The following DIP2C variants were observed in gnomAD, a reference collection of about 807,000 sequenced individuals.
The protein encoded by DIP2C is disco-interacting protein 2 homolog C.
In DIP2C, 33 loss-of-function variants were observed where a neutral mutation model predicts 192.4. That is an observed-to-expected ratio of 0.17 (90% CI 0.13 to 0.23). The LOEUF is 0.23. Ranked by LOEUF, DIP2C falls within the 10% of genes least tolerant of loss-of-function variation. The probability of loss-of-function intolerance (pLI) is 1.00; values close to 1 mark genes in which losing one functional copy is unlikely to be tolerated. For missense variants in DIP2C, 1,537 were observed against 2,110.1 expected (o/e 0.73, Z 5.32); for synonymous variants, 979 against 864.1 (o/e 1.13, Z -2.33).
intron 1 of DIP2C, among the ~76,000 whole-genome samples, chr10:599,703 C>A (rs1050532833): frequency 6.6e-6 from 1 of 152,194 alleles, no homozygotes; most frequent in African/African-American, 2.4e-5. Context: ...CCAGTGCATT[C>A]GGAGCAAGTA....
At chr10:484,238 G>A (rs768148054) in intron 2 of DIP2C, among the ~76,000 whole-genome samples, 9 of 152,192 alleles carry the variant, frequency 5.9e-5, no homozygotes, top group Non-Finnish European at 1.0e-4. Flanking sequence ...TGAAATTCCT[G>A]TATTCAAAAT....
intron 35 of DIP2C, 71 bp downstream of exon 35, chr10:283,201 G>T (rs1406130619): frequency 2.1e-5 from 33 of 1,545,308 alleles, no homozygotes; most frequent in Admixed American, 9.9e-5. Context: ...CTTGGGAAAG[G>T]CTTCTGTATC....
At chr10:432,672 C>T (rs1159688048) in intron 4 of DIP2C, among the ~76,000 whole-genome samples, 2 of 152,050 alleles carry the variant, frequency 1.3e-5, no homozygotes, top group Non-Finnish European at 2.9e-5. Context: ...GATTTCTGCT[C>T]TTTCATTATT....
chr10:604,993 A>G (rs772468878), intron 1 of DIP2C, among the ~76,000 whole-genome samples: 5 of 152,248 alleles, frequency 3.3e-5, no homozygotes, highest in Non-Finnish European at 5.9e-5. Flanking sequence ...CGAAAGATCT[A>G]TGAAGTGCAG....
intron 1 of DIP2C, among the ~76,000 whole-genome samples, chr10:498,924 C>T (rs1845040402): frequency 6.6e-6 from 1 of 152,186 alleles, no homozygotes; most frequent in Non-Finnish European, 1.5e-5. Flanking sequence ...TATGGTGTTA[C>T]TTATCTGCAT....
At chr10:407,699 G>A (rs922947383) in intron 9 of DIP2C, among the ~76,000 whole-genome samples, 7 of 152,100 alleles carry the variant, frequency 4.6e-5, no homozygotes, top group Non-Finnish European at 8.8e-5. Flanking sequence ...ATCTTTTCAT[G>A]TGTTTATCGG....
In DIP2C at chr10:440,995, G is replaced by C. The variant is rs201441750; in HGVS notation, c.270C>G (p.Asp90Glu). ...CCGCCTGGACAGCTTCCGTGTGGACGTCTGAAACGGAGAGAGCTCAGTCAC... is the reference window on the plus strand; with the variant it reads ...CCGCCTGGACAGCTTCCGTGTGGACCTCTGAAACGGAGAGAGCTCAGTCAC... Reference protein sequence around the residue: ...SGSRDERYRSDVHTEAVQAAL... With the variant: ...SGSRDERYRSEVHTEAVQAAL... The change falls in exon 4 of 37, where the codon GAC becomes GAG. Residue 90 changes from aspartate (D) to glutamate (E), a missense_variant and splice_region_variant. Asp to Glu is a conservative substitution (Grantham distance 45, BLOSUM62 2). This residue lies in a region of DIP2C where 473 missense variants were observed against 539.6 expected (regional missense o/e 0.88). Coordinates refer to ENST00000280886, the MANE Select transcript of DIP2C (RefSeq NM_014974.3). 1.1e-5 allele frequency: 18 copies of C among 1,611,738 alleles called. No homozygotes were observed. Among genetic ancestry groups the C allele is most frequent in the Non-Finnish European group, 1.4e-5 (16 of 1,179,554 alleles).
intron 1 of DIP2C, among the ~76,000 whole-genome samples, chr10:501,998 T>G (rs1317004891): frequency 2.6e-5 from 4 of 151,928 alleles, no homozygotes; most frequent in Non-Finnish European, 5.9e-5. Context: ...CAAAATTAAT[T>G]AATTGGGTAT....
chr10:356,498 G>C lies in DIP2C; in HGVS notation c.2913C>G (p.Phe971Leu). 1 of 1,611,654 alleles carries C rather than the reference G, an allele frequency of 6.2e-7. No homozygotes were observed. Among genetic ancestry groups the C allele is most frequent in the Non-Finnish European group, 8.5e-7 (1 of 1,179,492 alleles). Residue 971 changes from phenylalanine (F) to leucine (L), a missense_variant, in exon 24 of 37, where the codon TTC becomes TTG. Coordinates refer to ENST00000280886, the MANE Select transcript of DIP2C (RefSeq NM_014974.3). ...EDNDQARKFL[F>L]LSEVLQWRAQ... is the part of the protein sequence containing the mutation. ...CTCTCCACTGCAAGACCTCTGAGAG[G>C]AACAGGAACTGGAACAGAGCACGGG... is the stretch of plus-strand genomic sequence containing the variant.
intron 1 of DIP2C, among the ~76,000 whole-genome samples, chr10:581,782 G>C (rs559119226): frequency 7.2e-5 from 11 of 152,162 alleles, no homozygotes; most frequent in African/African-American, 2.7e-4. Context: ...TTGTCCTTGA[G>C]AAGCCTTCAA....
intron 32 of DIP2C, among the ~76,000 whole-genome samples, chr10:291,830 G>GT (rs1481033446): frequency 6.6e-6 from 1 of 152,242 alleles, no homozygotes; most frequent in East Asian, 1.9e-4. Context: ...AGGTTGTAAG[G>GT]TTAACACCAA....
chr10:572,835 AG>A (rs897281481), intron 1 of DIP2C, among the ~76,000 whole-genome samples: 1 of 152,186 alleles, frequency 6.6e-6, no homozygotes, highest in Non-Finnish European at 1.5e-5. Context: ...CTCAAAGACC[AG>A]GGCAGCCAGG....
chr10:636,565 G>T lies in DIP2C; in HGVS notation c.85+52929C>A, dbSNP rs1854857529. ...TGCAGCCGCAGAACCATCATCGGCA[G>T]ACAAGAACCATTTCAGAGCATCGCT... is the stretch of plus-strand genomic sequence containing the variant. On this transcript the variant is annotated intron_variant, in intron 1 of 36. Transcript: ENST00000280886. This position sits in a 1 kb window ranked among gnomAD's most constrained non-coding sequence, Gnocchi z 4.6. Among the ~76,000 whole-genome samples the T allele has an allele frequency of 6.6e-6, 1 of 152,192 alleles. No homozygotes were observed.
intron 13 of DIP2C, among the ~76,000 whole-genome samples, chr10:388,985 G>A (rs1233816701): frequency 6.7e-6 from 1 of 150,066 alleles, no homozygotes; most frequent in Admixed American, 6.6e-5. Context: ...GGGCCTCGGG[G>A]CATCCCAAGG....
At chr10:601,668 C>T (rs571319031) in intron 1 of DIP2C, among the ~76,000 whole-genome samples, 6 of 152,314 alleles carry the variant, frequency 3.9e-5, no homozygotes, top group East Asian at 3.9e-4. Context: ...AACTGCACCA[C>T]GAAGGACCAT....
At chr10:439,265 C>T (rs775906546) in intron 4 of DIP2C, among the ~76,000 whole-genome samples, 10 of 151,048 alleles carry the variant, frequency 6.6e-5, no homozygotes, top group Non-Finnish European at 1.2e-4. Context: ...CTCCCTTGCC[C>T]GCTAGCATTT....
intron 24 of DIP2C, among the ~76,000 whole-genome samples, chr10:352,763 G>A (rs1335253366): frequency 6.6e-6 from 1 of 152,168 alleles, no homozygotes; most frequent in Non-Finnish European, 1.5e-5. Flanking sequence ...ACTGAGCAGT[G>A]TCCCTTCTTC....
chr10:398,624 ACT>A (rs1392021695), intron 10 of DIP2C, among the ~76,000 whole-genome samples: 1 of 152,226 alleles, frequency 6.6e-6, no homozygotes, highest in Admixed American at 6.5e-5. Flanking sequence ...TGTCTCAAAT[ACT>A]TTTTGATTGA....
At chr10:332,975 T>C (rs1957570223) in intron 29 of DIP2C, among the ~76,000 whole-genome samples, 1 of 152,222 alleles carries the variant, frequency 6.6e-6, no homozygotes. Context: ...CATTCTTGGC[T>C]CAATGCAACC....
Sources: gnomAD v4.1 joint callset for allele counts (sites outside exome capture counted in the v4.1 genomes callset) on GRCh38, gnomAD v4.1.1 for gene constraint, gnomAD v4.1.1 regional missense constraint, Gnocchi (gnomAD v3.1) non-coding constraint, MANE v1.5 for transcripts, NCBI Gene and HGNC (gene_info 2026-07-23, HGNC 2026-07-21) for gene names.